The following TPO variants were observed in gnomAD, a reference collection of about 807,000 sequenced individuals.
The protein encoded by TPO is thyroid peroxidase, also known as thyroid microsomal antigen.
Under a neutral mutation model 96.9 loss-of-function variants are expected in TPO, and 78 were observed. The ratio of observed to expected loss-of-function variants is 0.81; its 90% CI spans 0.67 to 0.97. TPO has a LOEUF of 0.97. Ranked by LOEUF, TPO falls within the 50% of genes least tolerant of loss-of-function variation. TPO has a pLI of 0.00. For missense variants in TPO, 1,252 were observed against 1,274.8 expected (o/e 0.98, Z 0.27); for synonymous variants, 547 against 538.0 (o/e 1.02, Z -0.23).
intron 1 of TPO, among the ~76,000 whole-genome samples, chr2:1,383,482 A>G (rs1183226244): frequency 6.6e-6 from 1 of 152,190 alleles, no homozygotes; most frequent in Non-Finnish European, 1.5e-5. Context: ...GCCAGTGATG[A>G]TGAGCAGTTT....
intron 7 of TPO, among the ~76,000 whole-genome samples, chr2:1,466,899 C>T (rs1009747589): frequency 3.3e-5 from 5 of 151,860 alleles, no homozygotes; most frequent in African/African-American, 1.2e-4. Flanking sequence ...CTGCTCTGAT[C>T]TTGGTTATTT....
chr2:1,441,168 T>C (rs2148522240), intron 5 of TPO, among the ~76,000 whole-genome samples: 2 of 151,968 alleles, frequency 1.3e-5, no homozygotes, highest in African/African-American at 4.8e-5. Flanking sequence ...CAGGAGGCAG[T>C]ACGTTGGAAG....
Position 1,456,251 on chromosome 2 carries a change from G to T in TPO, c.788G>T (p.Cys263Phe). 6.2e-7 allele frequency: 1 copy of T among 1,614,116 alleles called. No homozygotes were observed. Among genetic ancestry groups the T allele is most frequent in the Non-Finnish European group, 8.5e-7 (1 of 1,180,022 alleles). ...GGAGGGGCTGACTGCCAGATGACTT[G>T]TGAGAACCAAAACCCATGTTTTCCC... is the stretch of plus-strand genomic sequence containing the variant. ...FGGGADCQMT[C>F]ENQNPCFPIQ... Residue 263 changes from cysteine (C) to phenylalanine (F), a missense_variant, in exon 7 of 17, where the codon TGT becomes TTT. By Grantham distance (205) the Cys-to-Phe change is radical. Coordinates refer to ENST00000329066, the MANE Select transcript of TPO (RefSeq NM_001206744.2).
At chr2:1,402,267 G>T (rs994025686) in intron 1 of TPO, among the ~76,000 whole-genome samples, 17 of 152,208 alleles carry the variant, frequency 1.1e-4, no homozygotes, top group African/African-American at 4.1e-4. Flanking sequence ...AGGACTCCCT[G>T]ACTCTGGGGG....
At chr2:1,512,055 A>G (rs1674191006) in intron 14 of TPO, among the ~76,000 whole-genome samples, 1 of 150,930 alleles carries the variant, frequency 6.6e-6, no homozygotes, top group Non-Finnish European at 1.5e-5. Context: ...TTTTTTTGAG[A>G]CGGAGTCTCG....
At chr2:1,409,306 T>C (rs895151087), upstream of TPO, among the ~76,000 whole-genome samples, 1 of 152,216 alleles carries the variant, frequency 6.6e-6, no homozygotes, top group Non-Finnish European at 1.5e-5. Flanking sequence ...GAATTTCAAT[T>C]AACAAAAACC....
intron 7 of TPO, among the ~76,000 whole-genome samples, chr2:1,475,658 C>T (rs78534892): frequency 0.12 from 17,771 of 152,210 alleles, 1,211 homozygotes; most frequent in East Asian, 0.28. Flanking sequence ...CTCCTGACCT[C>T]GTGATCCGCC....
chr2:1,432,895 A>C (rs899889558), intron 3 of TPO, among the ~76,000 whole-genome samples: 4 of 152,072 alleles, frequency 2.6e-5, no homozygotes, highest in Non-Finnish European at 5.9e-5. Flanking sequence ...CAGGCTTCAC[A>C]TATTTCTTAT....
chr2:1,532,684 C>G (rs1296983680), intron 15 of TPO, among the ~76,000 whole-genome samples: 1 of 54,566 alleles, frequency 1.8e-5, no homozygotes, highest in Non-Finnish European at 3.2e-5. Context: ...CACAACCACC[C>G]ACTCTGTGCA....
At chr2:1,528,610 C>G (rs1312342433) in intron 15 of TPO, among the ~76,000 whole-genome samples, 1 of 136,944 alleles carries the variant, frequency 7.3e-6, no homozygotes, top group Non-Finnish European at 1.6e-5. Context: ...CTACCCCAGT[C>G]TGTGAAACCT....
intron 1 of TPO, among the ~76,000 whole-genome samples, chr2:1,388,371 C>T (rs1285269403): frequency 6.6e-6 from 1 of 152,202 alleles, no homozygotes; most frequent in Non-Finnish European, 1.5e-5. Context: ...GTTCGAGCTT[C>T]CTGGCCGCTT....
At chr2:1,400,559 ACT>A (rs1214510166) in intron 1 of TPO, among the ~76,000 whole-genome samples, 7 of 111,984 alleles carry the variant, frequency 6.3e-5, no homozygotes, top group African/African-American at 2.5e-4. Flanking sequence ...AAGAAGTGAG[ACT>A]CTGTCTCAAA....
At chr2:1,502,435 G>T (rs1437117930) in intron 13 of TPO, among the ~76,000 whole-genome samples, 1 of 152,082 alleles carries the variant, frequency 6.6e-6, no homozygotes, top group African/African-American at 2.4e-5. Context: ...TGTCACCCAG[G>T]CTGGAGTGCA....
At chr2:1,530,739 A>C (rs1677936428) in intron 15 of TPO, among the ~76,000 whole-genome samples, 1 of 65,122 alleles carries the variant, frequency 1.5e-5, no homozygotes, top group African/African-American at 6.7e-5. Flanking sequence ...ACCTCCTCAA[A>C]TCCCCCCCAC....
Position 1,542,759 on chromosome 2 carries a change from C to CTCTTGTTGTGAACCCTGGAAACACT in TPO, c.*285_*286insTCTTGTTGTGAACCCTGGAAACACT. The CTCTTGTTGTGAACCCTGGAAACACT allele has an allele frequency of 2.5e-6, 2 of 799,882 alleles. No homozygotes were observed. Among genetic ancestry groups the CTCTTGTTGTGAACCCTGGAAACACT allele is most frequent in the South Asian group, 3.6e-5 (2 of 55,618 alleles). 49.5% of individuals were successfully genotyped at this position (799,882 alleles called of 1,614,324 possible). Reference sequence around the variant, plus strand: ...TTTATTTTGTGAACCCTGGAAACACCACTCTTGCAATCCTCCTGTCTCCAC... The same window carrying CTCTTGTTGTGAACCCTGGAAACACT: ...TTTATTTTGTGAACCCTGGAAACACCTCTTGTTGTGAACCCTGGAAACACTACTCTTGCAATCCTCCTGTCTCCAC... On this transcript the variant is annotated 3_prime_UTR_variant, in exon 17 of 17. Coordinates refer to ENST00000329066, the MANE Select transcript of TPO (RefSeq NM_001206744.2).
At chr2:1,488,129 C>A in intron 10 of TPO, 138 bp downstream of exon 10, 1 of 1,247,210 alleles carries the variant, frequency 8.0e-7, no homozygotes, top group Non-Finnish European at 1.1e-6. Context: ...TCTTAAAGGG[C>A]TCCAGTTCAT....
intron 15 of TPO, among the ~76,000 whole-genome samples, chr2:1,520,046 T>C (rs1052281090): frequency 3.3e-5 from 5 of 152,216 alleles, no homozygotes. Flanking sequence ...TGGATGTTAA[T>C]GTGCCATCAC....
In TPO at chr2:1,488,802, G is replaced by A. The variant is rs548697711; in HGVS notation, c.1768+811G>A. ...TCCCTGGGCCTTCCTCTGTCCCCTG[G>A]CCCTTCCCCCATCCCTGTCTTCCTC... On this transcript the variant is annotated intron_variant, in intron 10 of 16. Coordinates refer to ENST00000329066, the MANE Select transcript of TPO (RefSeq NM_001206744.2). Among the ~76,000 whole-genome samples, 75 of 152,274 alleles carry A rather than the reference G, an allele frequency of 4.9e-4. 1 individual carries two copies. The highest frequency in any genetic ancestry group is 4.4e-3 in the Admixed American group (68 of 15,302).
chr2:1,530,655 C>A (rs1219378281), intron 15 of TPO, among the ~76,000 whole-genome samples: 3 of 71,140 alleles, frequency 4.2e-5, no homozygotes, highest in Non-Finnish European at 8.0e-5. Flanking sequence ...CTCCCCAAAT[C>A]CCCCACACTG....
Sources: allele counts gnomAD v4.1 joint callset (sites outside exome capture counted in the v4.1 genomes callset), GRCh38; gene constraint gnomAD v4.1.1; transcripts MANE v1.5; gene names NCBI Gene and HGNC (gene_info 2026-07-23, HGNC 2026-07-21).